GABBR2: variants seen among roughly 807,000 people sequenced by gnomAD.
GABBR2 encodes gamma-aminobutyric acid type B receptor subunit 2.
Under a neutral mutation model 105.6 loss-of-function variants are expected in GABBR2, and 23 were observed. That is an observed-to-expected ratio of 0.22 (90% confidence interval 0.16 to 0.31). GABBR2 has a LOEUF of 0.31. Among genes scored for constraint, GABBR2 ranks in the 10% least tolerant of loss-of-function variants. GABBR2 has a pLI of 1.00. For synonymous variants in GABBR2, 478 were observed against 499.7 expected, an observed-to-expected ratio of 0.96 and a Z score of 0.58; for missense variants, 734 against 1,245.5, an observed-to-expected ratio of 0.59 and a Z score of 6.18.
intron 1 of GABBR2, among the ~76,000 whole-genome samples, chr9:98,591,765 G>A (rs1350520335): frequency 6.6e-6 from 1 of 152,206 alleles, no homozygotes. Context: ...AGAGACTGAT[G>A]AGGAAAGAGA....
chr9:98,677,727 G>A (rs1830493847), intron 1 of GABBR2, among the ~76,000 whole-genome samples: 1 of 151,904 alleles, frequency 6.6e-6, no homozygotes, highest in Non-Finnish European at 1.5e-5. Flanking sequence ...AGTCCTACGG[G>A]CCCTCTTATT....
At chr9:98,645,948 G>A (rs1385610261) in intron 1 of GABBR2, among the ~76,000 whole-genome samples, 2 of 152,190 alleles carry the variant, frequency 1.3e-5, no homozygotes, top group Non-Finnish European at 2.9e-5. Context: ...AGCACACAAA[G>A]TGTAAATAAC....
intron 3 of GABBR2, among the ~76,000 whole-genome samples, chr9:98,508,287 G>A (rs1827555072): frequency 6.6e-6 from 1 of 152,202 alleles, no homozygotes; most frequent in African/African-American, 2.4e-5. Flanking sequence ...GGGAGGAGGA[G>A]CCAAGATGGC....
rs536999511 is a variant in GABBR2 at position 98,651,027 on chromosome 9, T to C, written c.321+57390A>G. On this transcript the variant is annotated intron_variant, in intron 1 of 18. Transcript: ENST00000259455. ...GTGATGGTTGGCCACAATGTGAATATACCTAATGCCACTGAACTGTACACT... is the reference window on the plus strand; with the variant it reads ...GTGATGGTTGGCCACAATGTGAATACACCTAATGCCACTGAACTGTACACT... Among the ~76,000 whole-genome samples, 6 of 152,182 alleles carry C rather than the reference T, an allele frequency of 3.9e-5. No individual in the cohort carries two copies. The East Asian group carries it at 9.6e-4, about 24-fold the overall frequency.
At chr9:98,441,271 G>A (rs1468965931) in intron 7 of GABBR2, among the ~76,000 whole-genome samples, 1 of 150,200 alleles carries the variant, frequency 6.7e-6, no homozygotes, top group African/African-American at 2.5e-5. Context: ...AAATAAAATT[G>A]CTCTATCATA....
At chr9:98,690,367 C>A (rs1253962824) in intron 1 of GABBR2, among the ~76,000 whole-genome samples, 1 of 152,198 alleles carries the variant, frequency 6.6e-6, no homozygotes, top group Non-Finnish European at 1.5e-5. Flanking sequence ...AAAGCCATTA[C>A]AGCTCTCTTT....
intron 7 of GABBR2, among the ~76,000 whole-genome samples, chr9:98,432,931 G>C (rs1247775292): frequency 3.3e-5 from 5 of 152,206 alleles, no homozygotes; most frequent in African/African-American, 1.2e-4. Flanking sequence ...AGGACCCCAG[G>C]CTGGATGTCT....
intron 2 of GABBR2, among the ~76,000 whole-genome samples, chr9:98,545,032 C>A (rs1299279847): frequency 6.6e-6 from 1 of 152,080 alleles, no homozygotes; most frequent in East Asian, 1.9e-4. Flanking sequence ...TTATATATAC[C>A]ATCACATCCC....
chr9:98,438,090 A>T (rs1256727829), intron 7 of GABBR2, among the ~76,000 whole-genome samples: 2 of 7,824 alleles, frequency 2.6e-4, no homozygotes, highest in Non-Finnish European at 6.8e-4. Context: ...ACATCTATCC[A>T]TCCATCCATC....
At chr9:98,465,988 G>A (rs184917536) in intron 6 of GABBR2, among the ~76,000 whole-genome samples, 10 of 152,282 alleles carry the variant, frequency 6.6e-5, no homozygotes, top group South Asian at 4.1e-4. Context: ...TAGTGAGTGC[G>A]TTCTCACAAG....
At chr9:98,516,841 G>T (rs1827766155) in intron 3 of GABBR2, among the ~76,000 whole-genome samples, 1 of 152,304 alleles carries the variant, frequency 6.6e-6, no homozygotes, top group East Asian at 1.9e-4. Context: ...GGATGCTTAT[G>T]CATCTGCATC....
At chr9:98,370,270 G>C (rs1426634543) in intron 12 of GABBR2, among the ~76,000 whole-genome samples, 1 of 152,094 alleles carries the variant, frequency 6.6e-6, no homozygotes, top group Non-Finnish European at 1.5e-5. Context: ...CAGGAGCAGA[G>C]GAAGAAGCCA....
At position 98,475,346 on chromosome 9, in the gene GABBR2, TAA is replaced by T. The variant is rs970234599; in HGVS notation, c.799-2002_799-2001del. On this transcript the variant is annotated intron_variant, in intron 5 of 18. Coordinates refer to ENST00000259455, the MANE Select transcript of GABBR2 (RefSeq NM_005458.8). ...AATGAAATTTAGTCCACAGAAACTTTAAAAAAAAAAAAGAAAAGAAAAGAAAA... is the reference window on the plus strand; with the variant it reads ...AATGAAATTTAGTCCACAGAAACTTTAAAAAAAAAAGAAAAGAAAAGAAAA... 3.2e-3 allele frequency among the ~76,000 whole-genome samples: 449 copies of T among 141,820 alleles called. 5 individuals carry two copies. The highest frequency in any genetic ancestry group is 0.011 in the African/African-American group (414 of 39,150). The allele number at this position is 141,820 out of a possible 152,430, so 93.0% of individuals were successfully genotyped here. A position where few individuals can be genotyped will look rare whatever the true frequency, so the allele number is the denominator to read the frequency against.
chr9:98,339,169 GACA>G (rs1831166480), intron 13 of GABBR2, among the ~76,000 whole-genome samples: 1 of 151,416 alleles, frequency 6.6e-6, no homozygotes, highest in African/African-American at 2.4e-5. Context: ...TTTTTGGGGT[GACA>G]ACGTTTTTCT....
chr9:98,512,725 A>G (rs1360195308), intron 3 of GABBR2, among the ~76,000 whole-genome samples: 6 of 152,126 alleles, frequency 3.9e-5, no homozygotes, highest in Admixed American at 2.0e-4. Flanking sequence ...TTCAAGGAGA[A>G]CTACAAACCA....
chr9:98,508,446 G>A (rs970410150), intron 3 of GABBR2, among the ~76,000 whole-genome samples: 13 of 152,360 alleles, frequency 8.5e-5, no homozygotes, highest in East Asian at 1.9e-4. Flanking sequence ...CACCGTGCGC[G>A]AGCCAAAGCA....
chr9:98,333,142 G>A (rs1285944841), intron 13 of GABBR2, among the ~76,000 whole-genome samples: 9 of 152,216 alleles, frequency 5.9e-5, no homozygotes, highest in Non-Finnish European at 8.8e-5. Context: ...CCAAAGGCCG[G>A]GTAATAAATG....
chr9:98,500,705 T>A (rs1171699207), intron 3 of GABBR2, among the ~76,000 whole-genome samples: 1 of 152,226 alleles, frequency 6.6e-6, no homozygotes. Flanking sequence ...GCAATAGTTG[T>A]TGACTTGACA....
At chr9:98,434,205 G>A (rs1284767191) in intron 7 of GABBR2, among the ~76,000 whole-genome samples, 6 of 152,214 alleles carry the variant, frequency 3.9e-5, no homozygotes, top group African/African-American at 1.4e-4. Context: ...TGGACTCCAA[G>A]CTCTTCAGCT....
Sources: gnomAD v4.1 joint callset for allele counts (sites outside exome capture counted in the v4.1 genomes callset) on GRCh38, gnomAD v4.1.1 for gene constraint, MANE v1.5 for transcripts, NCBI Gene and HGNC (gene_info 2026-07-23, HGNC 2026-07-21) for gene names.